The following HEATR4 variants were observed in gnomAD, a reference collection of about 807,000 sequenced individuals.
HEATR4 encodes the protein HEAT repeat containing 4.
In HEATR4, 95 loss-of-function variants were observed where a neutral mutation model predicts 108.8. That is an observed-to-expected ratio of 0.87 (90% CI 0.74 to 1.04). The LOEUF is 1.04. Among genes scored for constraint, HEATR4 ranks in the 50% least tolerant of loss-of-function variants. The pLI is 0.00. For missense variants in HEATR4, 1,152 were observed against 1,253.8 expected (o/e 0.92, Z 1.23); for synonymous variants, 443 against 459.4 (o/e 0.96, Z 0.46).
At chr14:73,569,140 T>A in the HEATR4 span, 11 of 1,373,332 alleles carry the variant, frequency 8.0e-6, no homozygotes, top group Admixed American at 2.0e-5. Flanking sequence ...AGTGTGTCTA[T>A]ATTTGGTCTG....
the HEATR4 span, chr14:73,574,950 G>A: frequency 6.2e-7 from 1 of 1,604,202 alleles, no homozygotes. Context: ...TTCCAAAGGG[G>A]GTGAGCTCTG....
At chr14:73,615,213 C>T in the HEATR4 span, among the ~76,000 whole-genome samples, 1 of 150,616 alleles carries the variant, frequency 6.6e-6, no homozygotes, top group Non-Finnish European at 1.5e-5. Flanking sequence ...TGGTGAAACC[C>T]TGTCTCTACT....
intron 2 of HEATR4, among the ~76,000 whole-genome samples, chr14:73,524,869 A>G (rs1263853908): frequency 2.0e-5 from 3 of 152,048 alleles, no homozygotes; most frequent in Admixed American, 1.3e-4. Context: ...CAAGGTGCCC[A>G]TGCAGACCAG....
chr14:73,579,030 A>G, the HEATR4 span, among the ~76,000 whole-genome samples: 1 of 148,750 alleles, frequency 6.7e-6, no homozygotes, highest in Admixed American at 6.8e-5. Context: ...GCTTGCAGTG[A>G]GCTGAAATCA....
chr14:73,608,917 G>A, the HEATR4 span, among the ~76,000 whole-genome samples: 3 of 152,120 alleles, frequency 2.0e-5, no homozygotes, highest in Admixed American at 1.3e-4. Context: ...GAGCAAAAGG[G>A]GGAAAGCCTT....
the HEATR4 span, among the ~76,000 whole-genome samples, chr14:73,583,934 G>A: frequency 3.9e-5 from 6 of 151,990 alleles, no homozygotes; most frequent in East Asian, 3.9e-4. Flanking sequence ...CCGGGAGGCC[G>A]AGGTTGCAGT....
the HEATR4 span, among the ~76,000 whole-genome samples, chr14:73,605,050 A>C: frequency 6.6e-6 from 1 of 152,072 alleles, no homozygotes; most frequent in Non-Finnish European, 1.5e-5. Context: ...TCATGTGTGC[A>C]TAAGAGTGGC....
chr14:73,504,858 A>G (rs1886711499), intron 10 of HEATR4, among the ~76,000 whole-genome samples: 1 of 152,220 alleles, frequency 6.6e-6, no homozygotes, highest in South Asian at 2.1e-4. Context: ...TGATTGGGAA[A>G]TAATGGCAAA....
chr14:73,523,288 A>G, intron 2 of HEATR4, 64 bp from the exon 3 acceptor site: 1 of 774,506 alleles, frequency 1.3e-6, no homozygotes, highest in Non-Finnish European at 2.0e-6. Context: ...AGCCCATAGC[A>G]GTTCAGAAAG....
chr14:73,629,477 T>C, the HEATR4 span, among the ~76,000 whole-genome samples: 1 of 152,144 alleles, frequency 6.6e-6, no homozygotes, highest in African/African-American at 2.4e-5. Flanking sequence ...GTGGGAGAGC[T>C]AAGTCAGTCC....
chr14:73,508,622 G>A (rs1156684231), intron 8 of HEATR4, among the ~76,000 whole-genome samples: 2 of 151,774 alleles, frequency 1.3e-5, no homozygotes, highest in Admixed American at 6.6e-5. Flanking sequence ...GGTGGCATGC[G>A]CCTGTAATCC....
At chr14:73,581,493 C>T in the HEATR4 span, 5 of 151,846 alleles carry the variant, frequency 3.3e-5, no homozygotes, top group African/African-American at 9.7e-5. Flanking sequence ...CTCAGGGGCT[C>T]CAGGCCTCAA....
chr14:73,519,581 C>T (rs1205394270), intron 4 of HEATR4, among the ~76,000 whole-genome samples: 1 of 151,822 alleles, frequency 6.6e-6, no homozygotes, highest in Non-Finnish European at 1.5e-5. Flanking sequence ...CCCGTCTCTA[C>T]AAAAAATACA....
In HEATR4 at chr14:73,532,348, T is replaced by A. The variant is rs1252501538; in HGVS notation, c.-151-2104A>T. On this transcript the variant is annotated intron_variant, in intron 1 of 17. Coordinates refer to ENST00000553558, the MANE Select transcript of HEATR4 (RefSeq NM_001220484.1). ...CTTTTACAAGGAGACTCTTCAATCT[T>A]GTATTTCTAGTAGTATAATTTCACA... Among the ~76,000 whole-genome samples the A allele has an allele frequency of 6.0e-5, 7 of 116,586 alleles. 3 individuals are homozygous for A. The highest frequency in any genetic ancestry group is 9.4e-5 in the Non-Finnish European group (5 of 53,320). 76.5% of individuals were successfully genotyped at this position (116,586 alleles called of 152,430 possible).
At chr14:73,513,431 G>A (rs766725884) in intron 6 of HEATR4, among the ~76,000 whole-genome samples, 9 of 146,934 alleles carry the variant, frequency 6.1e-5, no homozygotes, top group African/African-American at 2.0e-4. Flanking sequence ...ATGGCACTCC[G>A]GCCTGGGCAA....
chr14:73,524,153 G>A (rs749280864), intron 2 of HEATR4, among the ~76,000 whole-genome samples: 16 of 151,292 alleles, frequency 1.1e-4, no homozygotes, highest in East Asian at 3.9e-4. Flanking sequence ...TTAGCCAGGC[G>A]CGGTGGCATG....
chr14:73,493,102 T>C lies in HEATR4; in HGVS notation c.2808A>G (p.Arg936=), dbSNP rs1885894720. The change falls in exon 17 of 18, where the codon AGA becomes AGG. Residue 936 remains arginine (R), a synonymous_variant. Coordinates refer to ENST00000553558, the MANE Select transcript of HEATR4 (RefSeq NM_001220484.1). ...TFQDEMVLPR[R]PSEVCDTEAV... The stretch of plus-strand genomic sequence containing the variant: ...CTTCAGTGTCACAAACCTCGGAAGG[T>C]CTTCTAGGAAGAACCATCTCATCTA... 6.2e-7 allele frequency: 1 copy of C among 1,612,238 alleles called. No individual in the cohort carries two copies. Among genetic ancestry groups the C allele is most frequent in the Non-Finnish European group, 8.5e-7 (1 of 1,179,796 alleles).
At chr14:73,573,669 C>T in the HEATR4 span, 26 of 1,531,942 alleles carry the variant, frequency 1.7e-5, no homozygotes, top group East Asian at 1.3e-4. Context: ...CAGAAGTTAG[C>T]TCATTCATGA....
In HEATR4 at chr14:73,520,887, G is replaced by A. The variant is rs768670360; in HGVS notation, c.1034C>T (p.Ser345Phe). Reference protein sequence around the residue: ...VTPRAGKFAYSTDNTFEQEIY... With the variant: ...VTPRAGKFAYFTDNTFEQEIY... ...CTCCTGTTCAAAGGTGTTGTCTGTG[G>A]AGTAGGCAAACTTTCCAGCTCGGGG... The change falls in exon 4 of 18, where the codon TCC becomes TTC. Residue 345 changes from serine to phenylalanine, a missense_variant. Physicochemically the swap from Ser to Phe is radical, Grantham distance 155. Coordinates refer to ENST00000553558, the MANE Select transcript of HEATR4 (RefSeq NM_001220484.1). 11 of 1,613,970 alleles carry A rather than the reference G, an allele frequency of 6.8e-6. No homozygotes were observed. The East Asian group carries it at 2.5e-4, about 36-fold the overall frequency.
Sources: gnomAD v4.1 joint callset for allele counts (sites outside exome capture counted in the v4.1 genomes callset) on GRCh38, gnomAD v4.1.1 for gene constraint, MANE v1.5 for transcripts, NCBI Gene and HGNC (gene_info 2026-07-23, HGNC 2026-07-21) for gene names.